ADGRB3: variants seen among roughly 807,000 people sequenced by gnomAD.
ADGRB3 encodes adhesion G protein-coupled receptor B3, also known as brain-specific angiogenesis inhibitor 3.
ADGRB3 carries 37 observed loss-of-function variants against 193.4 expected under a neutral mutation model. The ratio of observed to expected loss-of-function variants is 0.19; its 90% CI spans 0.15 to 0.25. The LOEUF is 0.25. ADGRB3 is among the 10% of genes least tolerant of loss of function. The pLI, the probability that ADGRB3 is intolerant of heterozygous loss-of-function variation, is 1.00. For synonymous variants in ADGRB3, 690 were observed against 644.2 expected, an observed-to-expected ratio of 1.07 and a Z score of -1.08; for missense variants, 1,637 against 1,852.9, an observed-to-expected ratio of 0.88 and a Z score of 2.14.
At chr6:69,025,281 T>C (rs1297170731) in intron 13 of ADGRB3, among the ~76,000 whole-genome samples, 1 of 152,166 alleles carries the variant, frequency 6.6e-6, no homozygotes, top group African/African-American at 2.4e-5. Context: ...TTCTTTCTTA[T>C]ATTCACTGGC....
rs773040433 is a variant in ADGRB3 at position 68,639,052 on chromosome 6, A to C, written c.377A>C (p.Asn126Thr). ...NAFVFLQYDKNFIQIRRVFPT... is the reference protein window; with the variant it reads ...NAFVFLQYDKTFIQIRRVFPT... ...TTCGTTTTTCTACAGTATGATAAAA[A>C]TTTTATTCAAATACGTCGAGTATTT... Residue 126 changes from asparagine (N) to threonine (T), a missense_variant, in exon 3 of 32, where the codon AAT (asparagine) becomes ACT (threonine). Physicochemically the swap from Asn to Thr is moderately conservative, Grantham distance 65. Around this residue, in one of 7 missense-constraint regions of ADGRB3, gnomAD observed 365 missense variants for 409.8 expected, o/e 0.89. Transcript: ENST00000370598. The C allele has an allele frequency of 8.7e-6, 14 of 1,613,642 alleles. No homozygotes were observed. The highest frequency in any genetic ancestry group is 1.2e-5 in the Non-Finnish European group (14 of 1,179,888).
At chr6:69,309,024 C>T (rs1165176321) in intron 20 of ADGRB3, among the ~76,000 whole-genome samples, 1 of 151,630 alleles carries the variant, frequency 6.6e-6, no homozygotes, top group East Asian at 1.9e-4. Flanking sequence ...AAGGAAAGAA[C>T]AAATATTGAG....
intron 7 of ADGRB3, 46 bp downstream of exon 7, chr6:68,956,234 G>A: frequency 6.5e-7 from 1 of 1,538,812 alleles, no homozygotes; most frequent in Non-Finnish European, 8.8e-7. Context: ...ACCATGTAAA[G>A]GGCACATTAT....
At chr6:69,061,519 C>G (rs1771749652) in intron 15 of ADGRB3, among the ~76,000 whole-genome samples, 1 of 151,952 alleles carries the variant, frequency 6.6e-6, no homozygotes, top group Non-Finnish European at 1.5e-5. Context: ...AGGAATTCCA[C>G]TCTCAGATAT....
At chr6:69,261,748 T>A (rs944252032) in intron 20 of ADGRB3, among the ~76,000 whole-genome samples, 1 of 152,028 alleles carries the variant, frequency 6.6e-6, no homozygotes, top group Admixed American at 6.6e-5. Context: ...GTAATCCAAA[T>A]TGTAAATGAA....
intron 30 of ADGRB3, 63 bp downstream of exon 30, chr6:69,372,504 C>A: frequency 1.1e-6 from 1 of 887,054 alleles, no homozygotes; most frequent in Non-Finnish European, 1.6e-6. Flanking sequence ...TATATAGTTA[C>A]TTAAAAATTA....
intron 3 of ADGRB3, among the ~76,000 whole-genome samples, chr6:68,867,390 C>A (rs1382213441): frequency 2.0e-5 from 3 of 152,190 alleles, no homozygotes; most frequent in Non-Finnish European, 4.4e-5. Context: ...TAGGAAACTT[C>A]ACTTAGATTT....
intron 3 of ADGRB3, among the ~76,000 whole-genome samples, chr6:68,712,946 A>G (rs754110844): frequency 1.2e-4 from 18 of 152,044 alleles, no homozygotes; most frequent in Non-Finnish European, 2.7e-4. Context: ...AACTTTATAG[A>G]TTTTGGTCAA....
intron 3 of ADGRB3, among the ~76,000 whole-genome samples, chr6:68,732,347 C>T (rs559812007): frequency 1.3e-5 from 2 of 151,898 alleles, no homozygotes; most frequent in South Asian, 4.1e-4. Context: ...CATGTTCTCA[C>T]TTACCTATAT....
intron 3 of ADGRB3, among the ~76,000 whole-genome samples, chr6:68,789,322 C>G (rs1411218648): frequency 1.3e-5 from 2 of 152,110 alleles, no homozygotes; most frequent in Non-Finnish European, 2.9e-5. Context: ...TTAGTGCTTC[C>G]TTCAGGAGCT....
chr6:69,334,708 G>A (rs2127316381), intron 24 of ADGRB3, among the ~76,000 whole-genome samples: 1 of 152,250 alleles, frequency 6.6e-6, no homozygotes, highest in South Asian at 2.1e-4. Flanking sequence ...ACTGAGTACT[G>A]GGATAGAAAC....
chr6:69,199,198 A>C (rs1765368494), intron 17 of ADGRB3, among the ~76,000 whole-genome samples: 1 of 152,102 alleles, frequency 6.6e-6, no homozygotes, highest in Non-Finnish European at 1.5e-5. Flanking sequence ...CTCTGTTAAC[A>C]CTTCCTTGGA....
intron 10 of ADGRB3, among the ~76,000 whole-genome samples, chr6:68,984,466 C>T (rs1769014397): frequency 6.6e-6 from 1 of 151,876 alleles, no homozygotes; most frequent in African/African-American, 2.4e-5. Context: ...AATTTCTGGA[C>T]AGGAAATAAT....
In ADGRB3 at chr6:68,941,031, A is replaced by C. The variant is rs374134937; in HGVS notation, c.1031-2799A>C. On this transcript the variant is annotated intron_variant, in intron 5 of 31. Coordinates refer to ENST00000370598, the MANE Select transcript of ADGRB3 (RefSeq NM_001704.3). The stretch of plus-strand genomic sequence containing the variant: ...CATATTCTTCATTTCGTCTCTAGTT[A>C]TCACAAAAAGACATATAATAATACA... Among the ~76,000 whole-genome samples, 44 of 152,332 alleles carry C rather than the reference A, an allele frequency of 2.9e-4. 1 individual carries two copies. Among genetic ancestry groups the C allele is most frequent in the African/African-American group, 1.0e-3 (42 of 41,586 alleles).
chr6:69,042,577 C>T (rs185416256), intron 13 of ADGRB3, among the ~76,000 whole-genome samples: 1 of 152,322 alleles, frequency 6.6e-6, no homozygotes, highest in Admixed American at 6.5e-5. Context: ...AGTTCAGTCC[C>T]TGTGTGCTTG....
At chr6:69,040,307 C>CTTTCTT (rs1236133678) in intron 13 of ADGRB3, among the ~76,000 whole-genome samples, 16 of 94,758 alleles carry the variant, frequency 1.7e-4, no homozygotes, top group African/African-American at 5.8e-4. Flanking sequence ...CTTTCTCTGT[C>CTTTCTT]TCTTTCTTTC....
At chr6:69,072,538 T>G (rs2150311404) in intron 16 of ADGRB3, among the ~76,000 whole-genome samples, 1 of 152,344 alleles carries the variant, frequency 6.6e-6, no homozygotes, top group South Asian at 2.1e-4. Context: ...TCTAATTTTT[T>G]TTTTGTTGTG....
chr6:69,361,639 T>G, intron 29 of ADGRB3, 127 bp downstream of exon 29: 1 of 1,155,708 alleles, frequency 8.7e-7, no homozygotes. Flanking sequence ...CACATTAGCT[T>G]TTGCAGTTTT....
chr6:68,655,422 G>A (rs1053137309), intron 3 of ADGRB3, among the ~76,000 whole-genome samples: 2 of 151,616 alleles, frequency 1.3e-5, no homozygotes, highest in Non-Finnish European at 3.0e-5. Context: ...TGTAGTAAAG[G>A]CTCAATAAAT....
Sources: gnomAD v4.1 joint callset for allele counts (sites outside exome capture counted in the v4.1 genomes callset) on GRCh38, gnomAD v4.1.1 for gene constraint, gnomAD v4.1.1 regional missense constraint, MANE v1.5 for transcripts, NCBI Gene and HGNC (gene_info 2026-07-23, HGNC 2026-07-21) for gene names.